SWAP70: variants seen among roughly 807,000 people sequenced by gnomAD.
SWAP70 encodes the protein switch-associated protein 70.
In SWAP70, 34 loss-of-function variants were observed where a neutral mutation model predicts 80.2. That is an observed-to-expected ratio of 0.42 (90% CI 0.32 to 0.56). SWAP70 has a LOEUF of 0.56. Among genes scored for constraint, SWAP70 ranks in the 20% least tolerant of loss-of-function variants. SWAP70 has a pLI of 0.09. For synonymous variants in SWAP70, 239 were observed against 238.5 expected (o/e 1.00, Z -0.02); for missense variants, 578 against 690.7 (o/e 0.84, Z 1.83).
At chr11:9,741,975 G>C (rs1851446582) in intron 9 of SWAP70, 2 of 130,208 alleles carry the variant, frequency 1.5e-5, no homozygotes, top group South Asian at 4.8e-4. Context: ...TTGGGAGGCT[G>C]AGGCAGGAGG....
intron 2 of SWAP70, among the ~76,000 whole-genome samples, chr11:9,700,992 T>C (rs1850823474): frequency 2.0e-5 from 3 of 152,186 alleles, no homozygotes; most frequent in Non-Finnish European, 4.4e-5. Context: ...AGAATTATTC[T>C]GAGGAGGTTC....
chr11:9,687,942 A>C (rs1371992772), intron 1 of SWAP70, among the ~76,000 whole-genome samples: 1 of 152,192 alleles, frequency 6.6e-6, no homozygotes, highest in Non-Finnish European at 1.5e-5. Flanking sequence ...TGAATGACCC[A>C]ATCTTGAAGG....
At chr11:9,684,510 G>A (rs1032579695) in intron 1 of SWAP70, among the ~76,000 whole-genome samples, 5 of 152,154 alleles carry the variant, frequency 3.3e-5, no homozygotes, top group African/African-American at 9.7e-5. Context: ...TTCTGTTATA[G>A]AGCCTTCTCT....
intron 3 of SWAP70, among the ~76,000 whole-genome samples, chr11:9,718,222 A>G (rs1851090293): frequency 6.6e-6 from 1 of 152,140 alleles, no homozygotes; most frequent in Non-Finnish European, 1.5e-5. Flanking sequence ...TACTGTTTGG[A>G]CTCACTCTGT....
chr11:9,739,832 A>G (rs1851412441), intron 8 of SWAP70, among the ~76,000 whole-genome samples: 1 of 152,224 alleles, frequency 6.6e-6, no homozygotes, highest in South Asian at 2.1e-4. Context: ...AGAAGACCCT[A>G]TTGGTAAAAA....
intron 2 of SWAP70, among the ~76,000 whole-genome samples, chr11:9,704,365 C>T (rs1850872449): frequency 7.3e-6 from 1 of 137,058 alleles, no homozygotes; most frequent in African/African-American, 2.7e-5. Flanking sequence ...CTGCATCTTC[C>T]CTCTTTTTTT....
chr11:9,670,873 C>T (rs1043484666), intron 1 of SWAP70, among the ~76,000 whole-genome samples: 9 of 151,548 alleles, frequency 5.9e-5, no homozygotes, highest in African/African-American at 2.2e-4. Context: ...CCTGCCTCAG[C>T]CTCCCGAGTA....
At chr11:9,684,915 A>G (rs985077997) in intron 1 of SWAP70, among the ~76,000 whole-genome samples, 5 of 152,260 alleles carry the variant, frequency 3.3e-5, no homozygotes, top group African/African-American at 7.2e-5. Context: ...TAAAATACGT[A>G]TTGCACAGAT....
At chr11:9,669,970 A>G (rs898494232) in intron 1 of SWAP70, among the ~76,000 whole-genome samples, 2 of 152,272 alleles carry the variant, frequency 1.3e-5, no homozygotes. Flanking sequence ...TCTACTAAAA[A>G]TATAAAAATT....
At chr11:9,675,443 G>A (rs1850485613) in intron 1 of SWAP70, among the ~76,000 whole-genome samples, 1 of 149,756 alleles carries the variant, frequency 6.7e-6, no homozygotes, top group East Asian at 2.0e-4. Context: ...GAGGGACAGA[G>A]GGAGGGAAAG....
chr11:9,675,346 CGAGAGAG>C (rs1850478422), intron 1 of SWAP70, among the ~76,000 whole-genome samples: 1 of 8,400 alleles, frequency 1.2e-4, no homozygotes, highest in Non-Finnish European at 4.0e-4. Flanking sequence ...AGAGAGGGAG[CGAGAGAG>C]AGAGAGAGAG....
chr11:9,738,413 A>C, intron 8 of SWAP70, 93 bp downstream of exon 8: 8 of 857,418 alleles, frequency 9.3e-6, no homozygotes, highest in South Asian at 2.3e-5. Context: ...GAGGCATGTC[A>C]TCAGCTTGGC....
chr11:9,674,099 C>T (rs187510717), intron 1 of SWAP70, among the ~76,000 whole-genome samples: 3 of 152,144 alleles, frequency 2.0e-5, no homozygotes, highest in East Asian at 3.9e-4. Flanking sequence ...CCGAGTTTCG[C>T]CGTGTTGGCC....
intron 2 of SWAP70, among the ~76,000 whole-genome samples, chr11:9,694,965 C>T (rs932440953): frequency 6.6e-6 from 1 of 152,120 alleles, no homozygotes; most frequent in African/African-American, 2.4e-5. Context: ...TGGGTATATA[C>T]CCAAAGGAAT....
chr11:9,679,047 C>A (rs533367881), intron 1 of SWAP70, among the ~76,000 whole-genome samples: 1 of 152,262 alleles, frequency 6.6e-6, no homozygotes, highest in African/African-American at 2.4e-5. Context: ...CTGGAAACTG[C>A]AGTTTTCAGC....
intron 3 of SWAP70, among the ~76,000 whole-genome samples, chr11:9,721,383 G>A (rs1418429086): frequency 2.0e-5 from 3 of 151,554 alleles, no homozygotes; most frequent in Non-Finnish European, 2.9e-5. Flanking sequence ...CTGTTTTTAG[G>A]GTATAAGATA....
At chr11:9,745,958 C>G (rs1851506938) in intron 9 of SWAP70, among the ~76,000 whole-genome samples, 2 of 152,196 alleles carry the variant, frequency 1.3e-5, no homozygotes, top group African/African-American at 2.4e-5. Context: ...ATGAGCAGCC[C>G]CAACTACAGC....
chr11:9,743,743 G>C (rs1027906488), intron 9 of SWAP70, among the ~76,000 whole-genome samples: 1 of 151,768 alleles, frequency 6.6e-6, no homozygotes, highest in African/African-American at 2.4e-5. Context: ...TTTTTGATGG[G>C]GTTGTTTCTT....
At chr11:9,666,933 C>T (rs1850314230) in intron 1 of SWAP70, among the ~76,000 whole-genome samples, 1 of 152,050 alleles carries the variant, frequency 6.6e-6, no homozygotes, top group East Asian at 1.9e-4. Context: ...CCATATTGGC[C>T]AGGGTGGTCT....
Sources: allele counts gnomAD v4.1 joint callset (sites outside exome capture counted in the v4.1 genomes callset), GRCh38; gene constraint gnomAD v4.1.1; transcripts MANE v1.5; gene names NCBI Gene and HGNC (gene_info 2026-07-23, HGNC 2026-07-21).